LIFR: variants seen among roughly 807,000 people sequenced by gnomAD.
LIFR encodes leukemia inhibitory factor receptor.
In LIFR, 84 loss-of-function variants were observed where a neutral mutation model predicts 122.2. That is an observed-to-expected ratio of 0.69 (90% CI 0.58 to 0.82). LIFR has a LOEUF of 0.82. LIFR is among the 40% of genes least tolerant of loss of function. The pLI, the probability that LIFR is intolerant of heterozygous loss-of-function variation, is 0.00. For synonymous variants in LIFR, 422 were observed against 434.7 expected (o/e 0.97, Z 0.36); for missense variants, 1,294 against 1,311.6 (o/e 0.99, Z 0.21).
At chr5:38,541,354 A>C (rs1483376611) in intron 1 of LIFR, among the ~76,000 whole-genome samples, 1 of 152,236 alleles carries the variant, frequency 6.6e-6, no homozygotes, top group African/African-American at 2.4e-5. Context: ...CTAAGAAAGG[A>C]ATCCTAGAAA....
At chr5:38,563,478 C>A (rs1187229190) in intron 1 of LIFR, among the ~76,000 whole-genome samples, 1 of 152,176 alleles carries the variant, frequency 6.6e-6, no homozygotes, top group Non-Finnish European at 1.5e-5. Context: ...ATATTAGTCT[C>A]ACTTTACAGG....
chr5:38,494,403 G>C (rs1744763885), intron 13 of LIFR, among the ~76,000 whole-genome samples: 1 of 152,062 alleles, frequency 6.6e-6, no homozygotes, highest in African/African-American at 2.4e-5. Context: ...TGGCCAGTGT[G>C]GACACTGAGA....
chr5:38,569,577 C>G (rs1749142383), intron 1 of LIFR, among the ~76,000 whole-genome samples: 1 of 152,198 alleles, frequency 6.6e-6, no homozygotes. Flanking sequence ...TGAGGTGGAA[C>G]AGTTTCATCC....
At chr5:38,598,234 TTTATTTATTTA>T (rs1561235468), upstream of LIFR, among the ~76,000 whole-genome samples, 1 of 24,956 alleles carries the variant, frequency 4.0e-5, no homozygotes, top group African/African-American at 2.1e-4. Context: ...TTTTTTTTTA[TTTATTTATTTA>T]TTTTTTTTTT....
chr5:38,518,790 G>A (rs529402007), intron 5 of LIFR, among the ~76,000 whole-genome samples: 1 of 152,262 alleles, frequency 6.6e-6, no homozygotes, highest in South Asian at 2.1e-4. Context: ...AGGTATTCCA[G>A]AAGAAGGCAT....
In LIFR at chr5:38,484,875, C is replaced by A. The variant is rs113078097; in HGVS notation, c.2498-7G>T. 1.9e-6 allele frequency: 3 copies of A among 1,595,824 alleles called. No homozygotes were observed. Among genetic ancestry groups the A allele is most frequent in the Non-Finnish European group, 2.6e-6 (3 of 1,163,880 alleles). ...GCAATAATTAATCCCACAGCTGAAA[C>A]GAGAGTATTGCAAATATTAAAATCG... On this transcript the variant is annotated splice_region_variant and splice_polypyrimidine_tract_variant and intron_variant, in intron 17 of 19. Coordinates refer to ENST00000453190, the MANE Select transcript of LIFR (RefSeq NM_001127671.2).
chr5:38,476,406 C>A lies in LIFR; in HGVS notation c.*5189G>T, dbSNP rs1743724019. 1 of 208,412 alleles carries A rather than the reference C, an allele frequency of 4.8e-6. No individual in the cohort carries two copies. The highest frequency in any genetic ancestry group is 9.8e-6 in the Non-Finnish European group (1 of 102,330). The allele number at this position is 208,412 out of a possible 1,614,324, so 12.9% of individuals were successfully genotyped here. A position where few individuals can be genotyped will look rare whatever the true frequency, so the allele number is the denominator to read the frequency against. Reference sequence around the variant, plus strand: ...GTTACCCATTTAAAATGGAATAATTCTTAACGGAAGTACACTTTAAATGTA... The same window carrying A: ...GTTACCCATTTAAAATGGAATAATTATTAACGGAAGTACACTTTAAATGTA... On this transcript the variant is annotated 3_prime_UTR_variant, in exon 20 of 20. Transcript: ENST00000453190.
intron 1 of LIFR, among the ~76,000 whole-genome samples, chr5:38,533,843 C>G (rs1329727708): frequency 6.6e-6 from 1 of 152,150 alleles, no homozygotes; most frequent in Non-Finnish European, 1.5e-5. Context: ...TCAGGCAACA[C>G]CTGCACAGTC....
chr5:38,508,088 C>T (rs1745593679), intron 7 of LIFR, among the ~76,000 whole-genome samples: 2 of 151,922 alleles, frequency 1.3e-5, no homozygotes, highest in South Asian at 4.2e-4. Flanking sequence ...ATATTAAAAT[C>T]TAAATAACAA....
At chr5:38,519,222 T>G (rs905871357) in intron 5 of LIFR, among the ~76,000 whole-genome samples, 4 of 152,202 alleles carry the variant, frequency 2.6e-5, no homozygotes, top group Non-Finnish European at 5.9e-5. Flanking sequence ...TGGTGAATAG[T>G]CATGTCCTAG....
chr5:38,485,348 AG>A (rs1438571321), intron 17 of LIFR, among the ~76,000 whole-genome samples: 1 of 152,198 alleles, frequency 6.6e-6, no homozygotes, highest in Admixed American at 6.5e-5. Context: ...ACTCCAACTC[AG>A]GGGTAGAGGA....
intron 1 of LIFR, among the ~76,000 whole-genome samples, chr5:38,592,164 T>C (rs932604466): frequency 1.3e-4 from 20 of 152,176 alleles, no homozygotes; most frequent in Non-Finnish European, 5.9e-5. Context: ...TGACATATAT[T>C]AGCCCACTAA....
intron 1 of LIFR, among the ~76,000 whole-genome samples, chr5:38,549,995 G>A (rs556291879): frequency 1.3e-5 from 2 of 152,228 alleles, no homozygotes; most frequent in East Asian, 1.9e-4. Context: ...GGAGTATGGT[G>A]CACAAATGCA....
chr5:38,591,102 T>G (rs1749908300), intron 1 of LIFR, among the ~76,000 whole-genome samples: 1 of 152,234 alleles, frequency 6.6e-6, no homozygotes, highest in South Asian at 2.1e-4. Flanking sequence ...TGCCCTAGTT[T>G]CATTTAATCT....
At position 38,480,201 on chromosome 5, in the gene LIFR, T is replaced by C. The variant is rs1743915772; in HGVS notation, c.*1394A>G. On this transcript the variant is annotated 3_prime_UTR_variant, in exon 20 of 20. Transcript: ENST00000453190. ...TTTTCAAGTACTTTTGCCTTAAATATGAAAAGGTAAAATACATAGGCAACC... is the reference window on the plus strand; with the variant it reads ...TTTTCAAGTACTTTTGCCTTAAATACGAAAAGGTAAAATACATAGGCAACC... 4.4e-6 allele frequency: 1 copy of C among 228,326 alleles called. No individual in the cohort carries two copies. The highest frequency in any genetic ancestry group is 8.7e-6 in the Non-Finnish European group (1 of 115,170). The allele number at this position is 228,326 out of a possible 1,614,324, so 14.1% of individuals were successfully genotyped here.
intron 1 of LIFR, among the ~76,000 whole-genome samples, chr5:38,577,987 A>G (rs1398653538): frequency 6.6e-6 from 1 of 152,154 alleles, no homozygotes; most frequent in Admixed American, 6.5e-5. Flanking sequence ...TTGAAATGAC[A>G]TTTATTTAAA....
intron 1 of LIFR, among the ~76,000 whole-genome samples, chr5:38,563,141 T>C (rs149127536): frequency 8.6e-4 from 131 of 152,312 alleles, no homozygotes; most frequent in African/African-American, 3.0e-3. Flanking sequence ...GGAATTTTTT[T>C]TCTGTGACAC....
chr5:38,530,582 A>T lies in LIFR; in HGVS notation c.66T>A (p.Thr22=), dbSNP rs1295311162. The T allele has an allele frequency of 1.2e-6, 2 of 1,612,390 alleles. No individual in the cohort carries two copies. Among genetic ancestry groups the T allele is most frequent in the Non-Finnish European group, 1.7e-6 (2 of 1,178,382 alleles). ...ATAACAGCCACTGGAAATTTGAAGC[A>T]GTCCTCATTCTTTTATTGTCCACCA... ...SWMVDNKRMR[T]ASNFQWLLST... is the part of the protein sequence containing the mutation. The change falls in exon 2 of 20, where the codon ACT becomes ACA. Residue 22 remains threonine (T), a synonymous_variant. Transcript: ENST00000453190.
chr5:38,599,577 A>C (rs941527359), upstream of LIFR, among the ~76,000 whole-genome samples: 6 of 152,304 alleles, frequency 3.9e-5, no homozygotes, highest in African/African-American at 1.4e-4. Flanking sequence ...AAAAGTGTGG[A>C]GTGGAAACAC....
Sources: allele counts gnomAD v4.1 joint callset (sites outside exome capture counted in the v4.1 genomes callset), GRCh38; gene constraint gnomAD v4.1.1; transcripts MANE v1.5; gene names NCBI Gene and HGNC (gene_info 2026-07-23, HGNC 2026-07-21).